The following RP1 variants were observed in gnomAD, a reference collection of about 807,000 sequenced individuals.
The protein encoded by RP1 is RP1 axonemal microtubule associated, also known as oxygen-regulated protein 1.
A neutral mutation model predicts 14.8 loss-of-function variants in RP1; 16 were observed. The ratio of observed to expected loss-of-function variants is 1.08; its 90% CI spans 0.73 to 1.65. The LOEUF (loss-of-function observed/expected upper bound fraction) is 1.65. RP1 is among the 40% of genes most tolerant of loss of function. The pLI, the probability that RP1 is intolerant of heterozygous loss-of-function variation, is 0.00. For synonymous variants in RP1, 876 were observed against 883.6 expected (o/e 0.99, Z 0.15); for missense variants, 2,631 against 2,535.0 (o/e 1.04, Z -0.81).
intron 1 of RP1, among the ~76,000 whole-genome samples, chr8:54,592,200 G>T (rs1805056159): frequency 6.6e-6 from 1 of 152,216 alleles, no homozygotes; most frequent in African/African-American, 2.4e-5. Flanking sequence ...GTAGGGCAAA[G>T]AATGTTTCCT....
chr8:54,730,234 A>G (rs1021788841), intron 17 of RP1, among the ~76,000 whole-genome samples: 9 of 152,024 alleles, frequency 5.9e-5, no homozygotes, highest in Admixed American at 2.6e-4. Context: ...CTATAAAACA[A>G]CCATTGTTGT....
intron 27 of RP1, among the ~76,000 whole-genome samples, chr8:54,857,741 A>T (rs1692134807): frequency 6.6e-6 from 1 of 151,954 alleles, no homozygotes; most frequent in South Asian, 2.1e-4. Context: ...TGGGTCCCTT[A>T]TCCCACACTC....
chr8:54,750,957 G>A (rs758111893), intron 19 of RP1, among the ~76,000 whole-genome samples: 3 of 152,334 alleles, frequency 2.0e-5, no homozygotes, highest in Non-Finnish European at 4.4e-5. Flanking sequence ...GCCAGCGGTG[G>A]CAACCTGCTC....
chr8:54,725,815 T>C (rs976443885), intron 16 of RP1, among the ~76,000 whole-genome samples: 1 of 152,152 alleles, frequency 6.6e-6, no homozygotes, highest in Admixed American at 6.5e-5. Context: ...TACTATAAAG[T>C]TGAAGTCATT....
At chr8:54,596,084 T>G (rs1805138880) in intron 1 of RP1, among the ~76,000 whole-genome samples, 2 of 152,248 alleles carry the variant, frequency 1.3e-5, no homozygotes, top group African/African-American at 4.8e-5. Context: ...TTGGGATATA[T>G]AGAATGCTAT....
rs962578552 is a variant in RP1 at position 54,781,398 on chromosome 8, G to A, written c.3452-2149G>A. On this transcript the variant is annotated intron_variant, in intron 23 of 28. Coordinates refer to the RP1 transcript ENST00000637698. Reference sequence around the variant, plus strand: ...AGTCCTTGGGGTTGAATAGACAGCAGCTATAAGGCAAAGGAAAAAATAAGG... The same window carrying A: ...AGTCCTTGGGGTTGAATAGACAGCAACTATAAGGCAAAGGAAAAAATAAGG... Among the ~76,000 whole-genome samples the A allele has an allele frequency of 7.2e-5, 11 of 152,224 alleles. No individual in the cohort carries two copies. In the East Asian group the frequency reaches 2.1e-3, roughly 29 times the overall value.
intron 24 of RP1, among the ~76,000 whole-genome samples, chr8:54,804,181 T>C (rs1337674143): frequency 6.6e-6 from 1 of 152,038 alleles, no homozygotes; most frequent in African/African-American, 2.4e-5. Context: ...TAGGAAAAAC[T>C]AAGCTTCTTT....
intron 23 of RP1, among the ~76,000 whole-genome samples, chr8:54,777,223 G>T (rs529916080): frequency 1.3e-5 from 2 of 152,272 alleles, no homozygotes; most frequent in South Asian, 4.1e-4. Flanking sequence ...TGTTTCACTT[G>T]TAATGGAACC....
chr8:54,572,507 AC>A (rs1402194166), intron 1 of RP1, among the ~76,000 whole-genome samples: 1 of 152,224 alleles, frequency 6.6e-6, no homozygotes, highest in East Asian at 1.9e-4. Context: ...GGATTAGGTA[AC>A]CTCTGAAGAC....
At position 54,766,361 on chromosome 8, in the gene RP1, AT is replaced by A. The variant is rs994587115; in HGVS notation, c.3249-3370del. Among the ~76,000 whole-genome samples, 86 of 150,290 alleles carry A rather than the reference AT, an allele frequency of 5.7e-4. 2 individuals carry two copies. Among genetic ancestry groups the A allele is most frequent in the Middle Eastern group, 3.4e-3 (1 of 292 alleles). On this transcript the variant is annotated intron_variant, in intron 22 of 22. Coordinates refer to the RP1 transcript ENST00000636932. ...AGTGAGCAATCATTTAACTTTACTG[AT>A]TTTTTTTTTCCTGAAAGAGGCCACT...
At chr8:54,680,201 A>G (rs1807394939) in intron 12 of RP1, among the ~76,000 whole-genome samples, 1 of 152,234 alleles carries the variant, frequency 6.6e-6, no homozygotes, top group African/African-American at 2.4e-5. Flanking sequence ...ACCATGTTAA[A>G]TAATTTGAGG....
At chr8:54,728,387 T>A (rs1808710901) in intron 17 of RP1, among the ~76,000 whole-genome samples, 1 of 152,216 alleles carries the variant, frequency 6.6e-6, no homozygotes, top group South Asian at 2.1e-4. Context: ...CCATTCATAT[T>A]AAAATATGTT....
intron 23 of RP1, among the ~76,000 whole-genome samples, chr8:54,779,685 C>T (rs1810134016): frequency 6.6e-6 from 1 of 152,198 alleles, no homozygotes; most frequent in African/African-American, 2.4e-5. Flanking sequence ...TGAGAATACA[C>T]TTCCAATTGA....
intron 1 of RP1, among the ~76,000 whole-genome samples, chr8:54,576,493 A>G (rs1197049579): frequency 6.6e-6 from 1 of 152,228 alleles, no homozygotes; most frequent in African/African-American, 2.4e-5. Context: ...GCCTCTTCTC[A>G]TGCTTTAAAG....
chr8:54,567,697 T>C (rs1804437954), intron 1 of RP1, among the ~76,000 whole-genome samples: 1 of 152,220 alleles, frequency 6.6e-6, no homozygotes, highest in Non-Finnish European at 1.5e-5. Flanking sequence ...TTTGAGACCA[T>C]GTAACAAAAT....
intron 1 of RP1, among the ~76,000 whole-genome samples, chr8:54,569,500 C>T (rs909162814): frequency 1.3e-5 from 2 of 152,200 alleles, no homozygotes; most frequent in Non-Finnish European, 1.5e-5. Context: ...GTAAGATGAA[C>T]AAAGTGGCAT....
chr8:54,630,861 T>G, downstream of RP1: 8 of 986,470 alleles, frequency 8.1e-6, no homozygotes, highest in Non-Finnish European at 9.7e-6. Flanking sequence ...GTCCAGTTCC[T>G]CAGAATATCC....
At chr8:54,794,070 T>A (rs573257580) in intron 24 of RP1, among the ~76,000 whole-genome samples, 2 of 151,950 alleles carry the variant, frequency 1.3e-5, no homozygotes, top group African/African-American at 4.8e-5. Context: ...GTATGTACAA[T>A]TAAACGGAAA....
chr8:54,730,867 T>C (rs1052855857), intron 17 of RP1, among the ~76,000 whole-genome samples: 7 of 152,148 alleles, frequency 4.6e-5, no homozygotes, highest in African/African-American at 1.4e-4. Flanking sequence ...TTTCATCTAT[T>C]GCAAGATAAC....
Sources: allele counts gnomAD v4.1 joint callset (sites outside exome capture counted in the v4.1 genomes callset), GRCh38; gene constraint gnomAD v4.1.1; transcripts MANE v1.5; gene names NCBI Gene and HGNC (gene_info 2026-07-23, HGNC 2026-07-21).